The following MAMLD1 variants were observed in gnomAD, a reference collection of about 807,000 sequenced individuals.
MAMLD1 encodes the protein mastermind like domain containing 1, also known as mastermind-like domain-containing protein 1.
In MAMLD1, 14 loss-of-function variants were observed where a neutral mutation model predicts 45.0. That is an observed-to-expected ratio of 0.31 (90% CI 0.21 to 0.49). MAMLD1 has a LOEUF of 0.49. Ranked by LOEUF, MAMLD1 falls within the 20% of genes least tolerant of loss-of-function variation. The pLI is 0.99. For synonymous variants in MAMLD1, 254 were observed against 247.8 expected (o/e 1.02, Z -0.24); for missense variants, 543 against 603.6 (o/e 0.90, Z 1.05).
chrX:150,441,974 C>T (rs1485163941), intron 1 of MAMLD1, among the ~76,000 whole-genome samples: 3 of 110,804 alleles, frequency 2.7e-5, no homozygotes, highest in Non-Finnish European at 5.7e-5. Flanking sequence ...TTAAAGCATA[C>T]ACATTTAAAA....
intron 1 of MAMLD1, among the ~76,000 whole-genome samples, chrX:150,436,942 T>C (rs2035140857): frequency 9.1e-6 from 1 of 110,372 alleles, no homozygotes; most frequent in Middle Eastern, 4.7e-3. Flanking sequence ...GATTGTGATA[T>C]AAGGTGAGTT....
chrX:150,430,027 T>TC (rs2034869652), intron 1 of MAMLD1, among the ~76,000 whole-genome samples: 1 of 80,985 alleles, frequency 1.2e-5, no homozygotes, highest in Admixed American at 1.4e-4. Context: ...TTCTTTTTTT[T>TC]TTTTTTTTTT....
At chrX:150,495,206 A>AAAAC (rs201099079) in intron 5 of MAMLD1, among the ~76,000 whole-genome samples, 34,441 of 103,935 alleles carry the variant, frequency 0.33, 4,425 homozygotes, top group East Asian at 0.47. Flanking sequence ...ATTCCGTCTC[A>AAAAC]AAACAAACAA....
At chrX:150,365,466 G>T (rs957041194) in intron 1 of MAMLD1, among the ~76,000 whole-genome samples, 2 of 113,163 alleles carry the variant, frequency 1.8e-5, no homozygotes, top group African/African-American at 6.4e-5. Flanking sequence ...CAAGCGCTCC[G>T]CGGGGTGGGC....
Position 150,507,709 on chromosome X carries a change from G to A in MAMLD1, c.2285-2253G>A, listed in dbSNP as rs147493807. 5.5e-3 allele frequency among the ~76,000 whole-genome samples: 617 copies of A among 112,396 alleles called. 9 individuals carry two copies. The highest frequency in any genetic ancestry group is 0.018 in the African/African-American group (568 of 30,953). Reference sequence around the variant, plus strand: ...GGGTCCTCTGGAATGTGTGCTTCCCGGGATGAAGACGCCCCAGCACCCGCT... The same window carrying A: ...GGGTCCTCTGGAATGTGTGCTTCCCAGGATGAAGACGCCCCAGCACCCGCT... On this transcript the variant is annotated intron_variant, in intron 6 of 7. Transcript: ENST00000370401.
At chrX:150,504,399 G>A (rs1266738023) in intron 6 of MAMLD1, 4 of 754,219 alleles carry the variant, frequency 5.3e-6, no homozygotes, top group Non-Finnish European at 6.3e-6. Flanking sequence ...GGCCTTTAAT[G>A]GAAATTCGGC....
chrX:150,450,163 AG>A (rs1557404992), intron 2 of MAMLD1, among the ~76,000 whole-genome samples: 1 of 112,118 alleles, frequency 8.9e-6, no homozygotes, highest in Non-Finnish European at 1.9e-5. Flanking sequence ...ACAGGTAAAG[AG>A]TAGAAGCAAA....
chrX:150,499,668 C>T lies in MAMLD1; in HGVS notation c.2041-3606C>T, dbSNP rs146309868. On this transcript the variant is annotated intron_variant, in intron 5 of 7. Coordinates refer to ENST00000370401, the MANE Select transcript of MAMLD1 (RefSeq NM_005491.5). The stretch of plus-strand genomic sequence containing the variant: ...TTCTAGCTTGGTTTCTGTCTGTACC[C>T]CATCTTGCTATTGTGTGACTTGAGT... Among the ~76,000 whole-genome samples, 519 of 111,741 alleles carry T rather than the reference C, an allele frequency of 4.6e-3. 3 individuals are homozygous for T. Among genetic ancestry groups the T allele is most frequent in the Non-Finnish European group, 7.2e-3 (383 of 53,066 alleles).
intron 3 of MAMLD1, among the ~76,000 whole-genome samples, chrX:150,468,040 C>T (rs1236879751): frequency 8.9e-6 from 1 of 112,308 alleles, no homozygotes; most frequent in African/African-American, 3.2e-5. Flanking sequence ...GGTCAGAGCC[C>T]TATGCCACGC....
chrX:150,370,009 C>T (rs912697669), intron 1 of MAMLD1, among the ~76,000 whole-genome samples: 4 of 108,111 alleles, frequency 3.7e-5, no homozygotes, highest in Non-Finnish European at 7.6e-5. Context: ...ATCTTGCTGC[C>T]ATAAATGTTG....
At chrX:150,365,562 C>T (rs1353145209) in intron 1 of MAMLD1, among the ~76,000 whole-genome samples, 1 of 113,216 alleles carries the variant, frequency 8.8e-6, no homozygotes, top group Non-Finnish European at 1.9e-5. Flanking sequence ...CGCCCCTCGC[C>T]GCCGGAGCTC....
chrX:150,487,110 G>T, intron 5 of MAMLD1, among the ~76,000 whole-genome samples: 1 of 111,723 alleles, frequency 9.0e-6, no homozygotes, highest in Non-Finnish European at 1.9e-5. Context: ...TGCTGCTGCT[G>T]CTAGTACAAG....
chrX:150,462,186 T>C (rs2036062683), intron 2 of MAMLD1, among the ~76,000 whole-genome samples: 2 of 112,307 alleles, frequency 1.8e-5, no homozygotes, highest in South Asian at 3.7e-4. Flanking sequence ...GTTAAACTGG[T>C]CTGGAGTTCT....
chrX:150,364,880 G>A (rs1557400651), intron 1 of MAMLD1, among the ~76,000 whole-genome samples: 1 of 112,940 alleles, frequency 8.9e-6, no homozygotes, highest in Non-Finnish European at 1.9e-5. Context: ...CGCGCCTGGG[G>A]AATTGTGTTC....
intron 1 of MAMLD1, among the ~76,000 whole-genome samples, chrX:150,424,107 G>T: frequency 8.9e-6 from 1 of 112,313 alleles, no homozygotes; most frequent in Middle Eastern, 4.6e-3. Flanking sequence ...ATAATGGGAG[G>T]TCACTGTGTG....
chrX:150,395,047 T>C (rs1557402249), intron 1 of MAMLD1, among the ~76,000 whole-genome samples: 1 of 112,087 alleles, frequency 8.9e-6, no homozygotes. Context: ...TCTCTTACCA[T>C]TAAGTATGAT....
intron 1 of MAMLD1, among the ~76,000 whole-genome samples, chrX:150,405,832 G>A (rs2033980163): frequency 9.0e-6 from 1 of 110,918 alleles, no homozygotes; most frequent in African/African-American, 3.3e-5. Flanking sequence ...CTGAGGCTCT[G>A]GAGGTGTGTC....
intron 1 of MAMLD1, among the ~76,000 whole-genome samples, chrX:150,364,213 C>A (rs2031201901): frequency 8.9e-6 from 1 of 112,830 alleles, no homozygotes; most frequent in Admixed American, 9.2e-5. Flanking sequence ...GACGACAGAG[C>A]TGGGCGCCCG....
intron 5 of MAMLD1, among the ~76,000 whole-genome samples, chrX:150,481,967 AG>A (rs1334022735): frequency 2.8e-5 from 1 of 36,036 alleles, no homozygotes; most frequent in Non-Finnish European, 5.2e-5. Context: ...GAAAGAAAAA[AG>A]AAAGAAAGAA....
Sources: gnomAD v4.1 joint callset for allele counts (sites outside exome capture counted in the v4.1 genomes callset) on GRCh38, gnomAD v4.1.1 for gene constraint, MANE v1.5 for transcripts, NCBI Gene and HGNC (gene_info 2026-07-23, HGNC 2026-07-21) for gene names.